CCNB3: variants seen among roughly 807,000 people sequenced by gnomAD.
CCNB3 encodes the protein cyclin B3.
Under a neutral mutation model 68.0 loss-of-function variants are expected in CCNB3, and 12 were observed. The ratio of observed to expected loss-of-function variants is 0.18; its 90% confidence interval spans 0.11 to 0.29. CCNB3 has a LOEUF of 0.29. Ranked by LOEUF, CCNB3 falls within the 10% of genes least tolerant of loss-of-function variation. CCNB3 has a pLI of 1.00. For synonymous variants in CCNB3, 354 were observed against 388.9 expected, an observed-to-expected ratio of 0.91 and a Z score of 1.06; for missense variants, 904 against 993.1, an observed-to-expected ratio of 0.91 and a Z score of 1.21.
intron 1 of CCNB3, among the ~76,000 whole-genome samples, chrX:50,279,684 C>A (rs1163928021): frequency 1.2e-5 from 1 of 83,607 alleles, no homozygotes; most frequent in African/African-American, 4.3e-5. Context: ...GTACATTCAT[C>A]TATGCAAACA....
intron 8 of CCNB3, among the ~76,000 whole-genome samples, chrX:50,329,409 C>T (rs1235461536): frequency 8.8e-6 from 1 of 113,022 alleles, no homozygotes; most frequent in Non-Finnish European, 1.9e-5. Flanking sequence ...CTCTTGCACT[C>T]TGTGTGCCTA....
intron 1 of CCNB3, among the ~76,000 whole-genome samples, chrX:50,225,730 T>C (rs1935744258): frequency 9.2e-6 from 1 of 108,965 alleles, no homozygotes; most frequent in South Asian, 4.0e-4. Flanking sequence ...AAAGGTTTGA[T>C]GTGGTATCAA....
intron 1 of CCNB3, among the ~76,000 whole-genome samples, chrX:50,223,709 CT>C (rs1394554351): frequency 2.7e-5 from 3 of 112,546 alleles, no homozygotes; most frequent in African/African-American, 9.6e-5. Context: ...TCAACCCCTG[CT>C]GGGAGGTGTC....
At chrX:50,203,677 C>T (rs928405781), upstream of CCNB3, among the ~76,000 whole-genome samples, 5 of 111,505 alleles carry the variant, frequency 4.5e-5, no homozygotes, top group African/African-American at 9.8e-5. Context: ...TTTTTTCTTT[C>T]CTATGAGTGA....
At chrX:50,281,221 C>G (rs866867162) in intron 1 of CCNB3, among the ~76,000 whole-genome samples, 19 of 111,537 alleles carry the variant, frequency 1.7e-4, no homozygotes, top group African/African-American at 6.2e-4. Context: ...TTTCGCGTGT[C>G]GCAGCTGTGC....
At chrX:50,286,452 A>G (rs763242054) in intron 3 of CCNB3, among the ~76,000 whole-genome samples, 60 of 109,392 alleles carry the variant, frequency 5.5e-4, no homozygotes, top group African/African-American at 2.0e-3. Flanking sequence ...GGCGCCTGCC[A>G]CCATGCCCGG....
intron 4 of CCNB3, among the ~76,000 whole-genome samples, chrX:50,294,059 C>A (rs921037841): frequency 9.0e-6 from 1 of 110,876 alleles, no homozygotes; most frequent in Non-Finnish European, 1.9e-5. Context: ...CCTCATTCCC[C>A]CCAAGTAGCT....
At chrX:50,331,695 C>T (rs782081787) in intron 8 of CCNB3, among the ~76,000 whole-genome samples, 37 of 111,610 alleles carry the variant, frequency 3.3e-4, no homozygotes, top group Non-Finnish European at 5.6e-4. Flanking sequence ...AAACAAATTT[C>T]TTGTTTTTCC....
chrX:50,349,191 A>G (rs1293580742), intron 11 of CCNB3, among the ~76,000 whole-genome samples: 1 of 112,126 alleles, frequency 8.9e-6, no homozygotes. Context: ...AGGTAGAGGG[A>G]GCAGTAATTA....
intron 8 of CCNB3, among the ~76,000 whole-genome samples, chrX:50,323,163 C>T (rs1386577742): frequency 7.2e-5 from 8 of 111,351 alleles, no homozygotes; most frequent in Non-Finnish European, 1.5e-4. Flanking sequence ...AGACTTGGAA[C>T]CAAGCCAAAT....
intron 8 of CCNB3, among the ~76,000 whole-genome samples, chrX:50,316,524 AT>A: frequency 8.9e-6 from 1 of 111,865 alleles, no homozygotes; most frequent in East Asian, 2.8e-4. Context: ...TTTTTAGCAT[AT>A]GTATTGATTT....
intron 1 of CCNB3, among the ~76,000 whole-genome samples, chrX:50,281,571 C>G (rs907983458): frequency 1.6e-4 from 18 of 111,064 alleles, no homozygotes; most frequent in African/African-American, 5.9e-4. Context: ...TGTAAGGAAA[C>G]TTTTCAATCT....
intron 5 of CCNB3, among the ~76,000 whole-genome samples, chrX:50,307,209 C>T (rs1557213674): frequency 8.9e-6 from 1 of 111,743 alleles, no homozygotes; most frequent in Non-Finnish European, 1.9e-5. Flanking sequence ...TTGTCCATTT[C>T]ATCTCAATTA....
intron 1 of CCNB3, among the ~76,000 whole-genome samples, chrX:50,212,531 A>G (rs1935499458): frequency 8.9e-6 from 1 of 111,891 alleles, no homozygotes; most frequent in Non-Finnish European, 1.9e-5. Flanking sequence ...TATACCATGT[A>G]ACTTGTCATT....
At chrX:50,318,266 C>T (rs1454669764) in intron 8 of CCNB3, among the ~76,000 whole-genome samples, 2 of 107,608 alleles carry the variant, frequency 1.9e-5, no homozygotes, top group African/African-American at 3.4e-5. Context: ...GTAATCCCAA[C>T]ACTTTGGGAG....
intron 1 of CCNB3, among the ~76,000 whole-genome samples, chrX:50,217,405 T>G (rs1935593390): frequency 9.3e-6 from 1 of 107,662 alleles, no homozygotes; most frequent in Non-Finnish European, 1.9e-5. Context: ...CCTGAGTAGC[T>G]GGGACTACAG....
intron 4 of CCNB3, among the ~76,000 whole-genome samples, chrX:50,291,912 C>CT (rs1304231937): frequency 4.5e-5 from 5 of 111,284 alleles, no homozygotes; most frequent in African/African-American, 6.5e-5. Flanking sequence ...CAAAGACATA[C>CT]TTTTTTTTCT....
intron 8 of CCNB3, among the ~76,000 whole-genome samples, chrX:50,341,379 A>G (rs891139622): frequency 9.7e-6 from 1 of 103,598 alleles, no homozygotes; most frequent in African/African-American, 3.4e-5. Flanking sequence ...AAATAAGTAA[A>G]AATTTAAAAA....
At chrX:50,202,767 C>CA (rs2146966319), upstream of CCNB3, 1 of 111,601 alleles carries the variant, frequency 9.0e-6, no homozygotes, top group Non-Finnish European at 1.9e-5. Flanking sequence ...AGCACTCTCC[C>CA]AGGGCACCTG....
Sources: gnomAD v4.1 joint callset for allele counts (sites outside exome capture counted in the v4.1 genomes callset) on GRCh38, gnomAD v4.1.1 for gene constraint, MANE v1.5 for transcripts, NCBI Gene and HGNC (gene_info 2026-07-23, HGNC 2026-07-21) for gene names.